C2orf66: variants seen among roughly 807,000 people sequenced by gnomAD.
C2orf66 encodes the protein uncharacterized protein C2orf66.
C2orf66 carries 6 observed loss-of-function variants against 7.0 expected under a neutral mutation model. That is an observed-to-expected ratio of 0.86 (90% CI 0.47 to 1.69). C2orf66 has a LOEUF of 1.69. Among genes scored for constraint, C2orf66 ranks in the 40% most tolerant of loss-of-function variants. The pLI is 0.01. For missense variants in C2orf66, 107 were observed against 112.0 expected (o/e 0.96, Z 0.20); for synonymous variants, 38 against 43.8 (o/e 0.87, Z 0.52).
At chr2:196,828,561 C>T in the C2orf66 span, among the ~76,000 whole-genome samples, 1 of 152,068 alleles carries the variant, frequency 6.6e-6, no homozygotes, top group South Asian at 2.1e-4. Context: ...TGATTGTTTA[C>T]CTTACATAAT....
chr2:196,822,860 T>C, the C2orf66 span, among the ~76,000 whole-genome samples: 4 of 152,240 alleles, frequency 2.6e-5, no homozygotes, highest in South Asian at 6.2e-4. Flanking sequence ...TCATTTATCA[T>C]TGTAAAACCA....
the C2orf66 span, among the ~76,000 whole-genome samples, chr2:196,822,209 G>A: frequency 8.6e-5 from 13 of 151,332 alleles, no homozygotes; most frequent in East Asian, 2.1e-3. Context: ...CACTGCGCCC[G>A]GCCACAACCA....
the C2orf66 span, among the ~76,000 whole-genome samples, chr2:196,815,237 G>A: frequency 1.3e-5 from 2 of 151,860 alleles, no homozygotes; most frequent in South Asian, 2.1e-4. Flanking sequence ...CCAAAGTTCT[G>A]GGATTTCAGG....
At chr2:196,813,981 A>G (rs1699900164), upstream of C2orf66, among the ~76,000 whole-genome samples, 1 of 152,224 alleles carries the variant, frequency 6.6e-6, no homozygotes, top group African/African-American at 2.4e-5. Flanking sequence ...GTGAGAGTGT[A>G]TATTAGTTCA....
the C2orf66 span, among the ~76,000 whole-genome samples, chr2:196,819,099 G>T: frequency 1.3e-5 from 2 of 152,164 alleles, no homozygotes; most frequent in South Asian, 4.1e-4. Context: ...TCCAACCCTT[G>T]TATGCCCTCA....
At chr2:196,805,671 C>T (rs1208521493) in intron 2 of C2orf66, among the ~76,000 whole-genome samples, 1 of 151,954 alleles carries the variant, frequency 6.6e-6, no homozygotes, top group Non-Finnish European at 1.5e-5. Flanking sequence ...TTTTATATTA[C>T]CTCATTCCAT....
At chr2:196,819,430 T>C in the C2orf66 span, among the ~76,000 whole-genome samples, 1 of 152,306 alleles carries the variant, frequency 6.6e-6, no homozygotes, top group East Asian at 1.9e-4. Context: ...AAGATGACAG[T>C]CTGCAATCCA....
the C2orf66 span, among the ~76,000 whole-genome samples, chr2:196,821,742 T>A: frequency 6.6e-6 from 1 of 152,042 alleles, no homozygotes; most frequent in South Asian, 2.1e-4. Context: ...AGAAATACCA[T>A]TCTTAAAATA....
upstream of C2orf66, among the ~76,000 whole-genome samples, chr2:196,811,436 A>G (rs1699875159): frequency 6.6e-6 from 1 of 152,200 alleles, no homozygotes; most frequent in African/African-American, 2.4e-5. Context: ...GTTAGCACAG[A>G]TGCACAGATT....
chr2:196,815,458 G>A, the C2orf66 span, among the ~76,000 whole-genome samples: 1 of 152,092 alleles, frequency 6.6e-6, no homozygotes, highest in Admixed American at 6.6e-5. Context: ...ATTAGTTTTT[G>A]GTCCAAATTA....
chr2:196,821,453 G>C, the C2orf66 span, among the ~76,000 whole-genome samples: 1 of 152,232 alleles, frequency 6.6e-6, no homozygotes, highest in Non-Finnish European at 1.5e-5. Context: ...AGCTGCAGTA[G>C]ACTTAGAACC....
At chr2:196,822,016 G>A in the C2orf66 span, among the ~76,000 whole-genome samples, 1 of 122,512 alleles carries the variant, frequency 8.2e-6, no homozygotes, top group Non-Finnish European at 1.6e-5. Flanking sequence ...CTGGATCCAA[G>A]CGATTCTCCT....
rs1699808011 is a variant in C2orf66 at position 196,805,274 on chromosome 2, G to A, written c.*154C>T. The stretch of plus-strand genomic sequence containing the variant: ...TTCCAGCGATTTATATGTAAATATG[G>A]AAATGTGGAATAAAATCATTACAAA... On this transcript the variant is annotated 3_prime_UTR_variant, in exon 3 of 3. Transcript: ENST00000342506. 6.6e-6 allele frequency: 1 copy of A among 152,120 alleles called. No homozygotes were observed. The highest frequency in any genetic ancestry group is 2.1e-4 in the South Asian group (1 of 4,826). The allele number at this position is 152,120 out of a possible 1,614,324, so 9.4% of individuals were successfully genotyped here.
chr2:196,818,041 C>T, the C2orf66 span, among the ~76,000 whole-genome samples: 41 of 152,198 alleles, frequency 2.7e-4, no homozygotes, highest in East Asian at 5.8e-4. Context: ...CCTCAGCTTA[C>T]GAAGATAACA....
chr2:196,828,413 T>C, the C2orf66 span, among the ~76,000 whole-genome samples: 4 of 152,170 alleles, frequency 2.6e-5, no homozygotes, highest in South Asian at 2.1e-4. Flanking sequence ...ATATTAAGTA[T>C]AGCAATTATG....
chr2:196,809,811 G>C (rs1313324202), upstream of C2orf66: 1 of 154,140 alleles, frequency 6.5e-6, no homozygotes, highest in East Asian at 1.9e-4. Flanking sequence ...ATCTGAGACA[G>C]ACAGACACAT....
the C2orf66 span, among the ~76,000 whole-genome samples, chr2:196,823,406 T>C: frequency 6.6e-6 from 1 of 152,068 alleles, no homozygotes; most frequent in Non-Finnish European, 1.5e-5. Flanking sequence ...GTGGATGACT[T>C]GAGCTCAGGA....
At chr2:196,812,681 A>G (rs1699888371), upstream of C2orf66, among the ~76,000 whole-genome samples, 2 of 152,144 alleles carry the variant, frequency 1.3e-5, no homozygotes, top group African/African-American at 4.8e-5. Context: ...TATTTAGAAA[A>G]CCCCATTGTC....
chr2:196,805,583 GT>G lies in C2orf66; in HGVS notation c.*20-176del, dbSNP rs548393651. Among the ~76,000 whole-genome samples, 22 of 147,584 alleles carry G rather than the reference GT, an allele frequency of 1.5e-4. No homozygotes were observed. The East Asian group carries it at 1.8e-3, about 12-fold the overall frequency. ...AAATATACTCCAAATCAGAAGCTTT[GT>G]TTTTTTTTTCATAAAAGTAAATAAT... On this transcript the variant is annotated intron_variant, in intron 2 of 2. Coordinates refer to ENST00000342506, the MANE Select transcript of C2orf66 (RefSeq NM_213608.3).
Sources: gnomAD v4.1 joint callset for allele counts (sites outside exome capture counted in the v4.1 genomes callset) on GRCh38, gnomAD v4.1.1 for gene constraint, MANE v1.5 for transcripts, NCBI Gene and HGNC (gene_info 2026-07-23, HGNC 2026-07-21) for gene names.